The following NCAM2 variants were observed in gnomAD, a reference collection of about 807,000 sequenced individuals.
NCAM2 encodes neural cell adhesion molecule 2, also known as N-CAM-2.
In NCAM2, 30 loss-of-function variants were observed where a neutral mutation model predicts 98.1. The ratio of observed to expected loss-of-function variants is 0.31; its 90% confidence interval spans 0.23 to 0.41. The LOEUF (loss-of-function observed/expected upper bound fraction) is 0.41, where lower values mean the gene tolerates loss of function less well. NCAM2 is among the 10% of genes least tolerant of loss of function. The pLI is 1.00. For missense variants in NCAM2, 867 were observed against 1,005.8 expected (o/e 0.86, Z 1.87); for synonymous variants, 368 against 342.4 (o/e 1.07, Z -0.83).
chr21:21,530,076 TTATATAATTTAATTTAATTTAATTA>T lies in NCAM2; in HGVS notation c.2283-4430_2283-4406del, dbSNP rs1396877645. On this transcript the variant is annotated intron_variant, in intron 16 of 17. Transcript: ENST00000400546. ...AAAAATATATATACTTTAAATAAAA[TTATATAATTTAATTTAATTTAATTA>T]TATATAATTTAATTTAATTTAATTA... Among the ~76,000 whole-genome samples the T allele has an allele frequency of 2.0e-3, 293 of 143,794 alleles. 2 individuals carry two copies. The highest frequency in any genetic ancestry group is 4.1e-3 in the Admixed American group (57 of 13,932). 94.3% of individuals were successfully genotyped at this position (143,794 alleles called of 152,430 possible).
chr21:21,177,839 C>G (rs967999530), intron 1 of NCAM2, among the ~76,000 whole-genome samples: 1 of 151,538 alleles, frequency 6.6e-6, no homozygotes, highest in African/African-American at 2.4e-5. Context: ...TGGACACTTT[C>G]CTCTCAATGA....
At position 21,206,793 on chromosome 21, in the gene NCAM2, G is replaced by A. The variant is rs1318161164; in HGVS notation, c.56-73785G>A. Among the ~76,000 whole-genome samples, 5 of 152,190 alleles carry A rather than the reference G, an allele frequency of 3.3e-5. No individual in the cohort carries two copies. In the South Asian group the frequency reaches 1.0e-3, roughly 32 times the overall value. On this transcript the variant is annotated intron_variant, in intron 1 of 17. Transcript: ENST00000400546. Reference sequence around the variant, plus strand: ...TTTTTGTAAGCCTTATTAATTAAAGGATGAATGCATGCATGTATTCAACAG... The same window carrying A: ...TTTTTGTAAGCCTTATTAATTAAAGAATGAATGCATGCATGTATTCAACAG...
intron 5 of NCAM2, among the ~76,000 whole-genome samples, chr21:21,322,129 A>T (rs1278031717): frequency 6.6e-6 from 1 of 152,170 alleles, no homozygotes; most frequent in Non-Finnish European, 1.5e-5. Context: ...CACTGCAAAA[A>T]ACAAACAAAC....
intron 1 of NCAM2, among the ~76,000 whole-genome samples, chr21:21,075,527 G>T (rs1410975970): frequency 6.6e-6 from 1 of 152,010 alleles, no homozygotes; most frequent in Non-Finnish European, 1.5e-5. Flanking sequence ...AGATGTATTT[G>T]CCGTGTTCTT....
intron 1 of NCAM2, among the ~76,000 whole-genome samples, chr21:21,078,417 T>C (rs941393369): frequency 6.6e-6 from 1 of 152,210 alleles, no homozygotes; most frequent in Admixed American, 6.5e-5. Context: ...GGCTGTAGAA[T>C]GAAACAAAGC....
chr21:21,411,581 C>T (rs1438304467), intron 10 of NCAM2, among the ~76,000 whole-genome samples: 1 of 152,006 alleles, frequency 6.6e-6, no homozygotes, highest in Non-Finnish European at 1.5e-5. Flanking sequence ...ATAAAAAAAT[C>T]TATGAAAATG....
In NCAM2 at chr21:21,539,248, A is replaced by T. The variant is rs1990134993; in HGVS notation, c.*1291A>T. The T allele has an allele frequency of 2.6e-5, 4 of 152,146 alleles. No homozygotes were observed. In the South Asian group the frequency reaches 8.3e-4, roughly 32 times the overall value. 9.4% of individuals were successfully genotyped at this position (152,146 alleles called of 1,614,324 possible). On this transcript the variant is annotated 3_prime_UTR_variant, in exon 18 of 18. Coordinates refer to ENST00000400546, the MANE Select transcript of NCAM2 (RefSeq NM_004540.5). ...CCCAGAGGTAATAGAGTGACACATG[A>T]TTTAACTTATATGTAAGGTTTAAAA...
intron 10 of NCAM2, among the ~76,000 whole-genome samples, chr21:21,414,758 C>T (rs140039382): frequency 0.023 from 3,556 of 152,106 alleles, 112 homozygotes; most frequent in African/African-American, 0.082. Context: ...CGTGAGCCAC[C>T]GCGCCCGGCC....
At position 21,480,003 on chromosome 21, in the gene NCAM2, C is replaced by G. The variant is rs577664071; in HGVS notation, c.2077+2532C>G. On this transcript the variant is annotated intron_variant, in intron 15 of 17. Transcript: ENST00000400546. Reference sequence around the variant, plus strand: ...ACAAAGGATTTATCTGTGAAAAATACAGCACTGACCCATGTCCCCCAAAAT... The same window carrying G: ...ACAAAGGATTTATCTGTGAAAAATAGAGCACTGACCCATGTCCCCCAAAAT... Among the ~76,000 whole-genome samples the G allele has an allele frequency of 1.1e-4, 16 of 152,124 alleles. No individual in the cohort carries two copies. The South Asian group carries it at 3.1e-3, about 30-fold the overall frequency.
At chr21:21,397,356 G>T (rs2076532503) in intron 9 of NCAM2, among the ~76,000 whole-genome samples, 1 of 152,176 alleles carries the variant, frequency 6.6e-6, no homozygotes, top group Non-Finnish European at 1.5e-5. Context: ...TCAACATGTT[G>T]TATATGGCCC....
In NCAM2 at chr21:21,508,385, A is replaced by T. The variant is rs374638865; in HGVS notation, c.2078-466A>T. ...TCCATTTTCAAGTTTAAGTTTTAAA[A>T]CTAACATAATCTCATATAGAAGATT... On this transcript the variant is annotated intron_variant, in intron 15 of 17. Transcript: ENST00000400546. 9.7e-4 allele frequency among the ~76,000 whole-genome samples: 148 copies of T among 152,252 alleles called. 3 individuals are homozygous for T. The South Asian group carries it at 9.7e-3, about 10-fold the overall frequency.
intron 8 of NCAM2, among the ~76,000 whole-genome samples, chr21:21,353,271 A>G (rs138988982): frequency 6.6e-6 from 1 of 152,314 alleles, no homozygotes; most frequent in East Asian, 1.9e-4. Context: ...AATACCATCT[A>G]AAAAATGACT....
At chr21:21,321,374 C>T (rs2074370044) in intron 5 of NCAM2, among the ~76,000 whole-genome samples, 1 of 148,668 alleles carries the variant, frequency 6.7e-6, no homozygotes, top group Non-Finnish European at 1.5e-5. Flanking sequence ...TCTGTTCATT[C>T]TGTTGATAAT....
intron 12 of NCAM2, among the ~76,000 whole-genome samples, chr21:21,459,003 C>CA (rs1217661930): frequency 2.0e-5 from 3 of 152,048 alleles, no homozygotes; most frequent in African/African-American, 7.2e-5. Context: ...CTCAATAGCA[C>CA]AAAACCAAAT....
intron 1 of NCAM2, among the ~76,000 whole-genome samples, chr21:21,044,064 A>G (rs1314559048): frequency 6.6e-6 from 1 of 151,596 alleles, no homozygotes; most frequent in East Asian, 1.9e-4. Flanking sequence ...AGAGAGAGAA[A>G]GAAAGAGATT....
At position 21,026,860 on chromosome 21, in the gene NCAM2, T is replaced by C. The variant is rs1396035558; in HGVS notation, c.55+28242T>C. On this transcript the variant is annotated intron_variant, in intron 1 of 17. Transcript: ENST00000400546. ...TGTTTTCTTTTCTTCTTCTTCTTTT[T>C]TTTTTTTTTTTTTTGAGACAGCATC... Among the ~76,000 whole-genome samples the C allele has an allele frequency of 1.5e-3, 200 of 133,782 alleles. 2 individuals are homozygous for C. The highest frequency in any genetic ancestry group is 5.1e-3 in the African/African-American group (199 of 39,242). The allele number at this position is 133,782 out of a possible 152,430, so 87.8% of individuals were successfully genotyped here.
At chr21:21,228,658 T>C (rs1485236454) in intron 1 of NCAM2, among the ~76,000 whole-genome samples, 3 of 151,480 alleles carry the variant, frequency 2.0e-5, no homozygotes, top group African/African-American at 7.2e-5. Flanking sequence ...AGAAATGATA[T>C]GTTTTGTGTG....
intron 15 of NCAM2, among the ~76,000 whole-genome samples, chr21:21,491,840 T>C (rs1986871599): frequency 6.6e-6 from 1 of 151,602 alleles, no homozygotes; most frequent in Non-Finnish European, 1.5e-5. Flanking sequence ...TTATAAGTCT[T>C]ATATATTGTA....
intron 15 of NCAM2, among the ~76,000 whole-genome samples, chr21:21,483,853 A>G (rs915412678): frequency 1.3e-5 from 2 of 152,140 alleles, no homozygotes; most frequent in East Asian, 1.9e-4. Flanking sequence ...GCTTATGGCC[A>G]ATAGGTTAAT....
Sources: allele counts gnomAD v4.1 joint callset (sites outside exome capture counted in the v4.1 genomes callset), GRCh38; gene constraint gnomAD v4.1.1; transcripts MANE v1.5; gene names NCBI Gene and HGNC (gene_info 2026-07-23, HGNC 2026-07-21).